The following PTPRM variants were observed in gnomAD, a reference collection of about 807,000 sequenced individuals.
The protein encoded by PTPRM is receptor-type tyrosine-protein phosphatase mu.
In PTPRM, 47 loss-of-function variants were observed where a neutral mutation model predicts 186.7. The observed-to-expected ratio is 0.25, with a 90% CI of 0.20 to 0.32. PTPRM has a LOEUF of 0.32. Ranked by LOEUF, PTPRM falls within the 10% of genes least tolerant of loss-of-function variation. The pLI is 1.00. For synonymous variants in PTPRM, 668 were observed against 674.9 expected (o/e 0.99, Z 0.16); for missense variants, 1,494 against 1,865.0 (o/e 0.80, Z 3.66).
chr18:8,301,595 G>A (rs2095158576), intron 20 of PTPRM, among the ~76,000 whole-genome samples: 1 of 152,228 alleles, frequency 6.6e-6, no homozygotes, highest in African/African-American at 2.4e-5. Flanking sequence ...CCATGTGCCA[G>A]GCACTGTGCC....
At chr18:7,681,762 T>C (rs548339093) in intron 1 of PTPRM, among the ~76,000 whole-genome samples, 1 of 152,284 alleles carries the variant, frequency 6.6e-6, no homozygotes, top group South Asian at 2.1e-4. Flanking sequence ...TCTAACATTA[T>C]TTTTTTCATT....
At position 8,015,840 on chromosome 18, in the gene PTPRM, C is replaced by T. The variant is rs542445397; in HGVS notation, c.1133-53846C>T. 2.0e-3 allele frequency among the ~76,000 whole-genome samples: 307 copies of T among 152,270 alleles called. 2 individuals are homozygous for T. The highest frequency in any genetic ancestry group is 7.1e-3 in the African/African-American group (293 of 41,540). On this transcript the variant is annotated intron_variant, in intron 7 of 32. Coordinates refer to ENST00000580170, the MANE Select transcript of PTPRM (RefSeq NM_001105244.2). ...CCCACACACACAAACCCCAACAACT[C>T]TTTAGGTGCCTACAGGTAGGAAAAA...
At chr18:7,746,610 C>A (rs536395818) in intron 1 of PTPRM, among the ~76,000 whole-genome samples, 1 of 152,112 alleles carries the variant, frequency 6.6e-6, no homozygotes, top group East Asian at 1.9e-4. Context: ...GGACTACAAG[C>A]GTGCAACACC....
intron 1 of PTPRM, among the ~76,000 whole-genome samples, chr18:7,578,104 G>A (rs2036737467): frequency 6.6e-6 from 1 of 151,996 alleles, no homozygotes; most frequent in Non-Finnish European, 1.5e-5. Context: ...GAGACCTTGG[G>A]TGTGTTATTT....
rs763119679 is a variant in PTPRM, at chr18:8,380,396, T to C, written c.3887T>C (p.Val1296Ala). Residue 1296 changes from valine to alanine, a missense_variant, in exon 29 of 33, where the codon GTA (valine) becomes GCA (alanine). Coordinates refer to ENST00000580170, the MANE Select transcript of PTPRM (RefSeq NM_001105244.2). ...RLVLDYHCTS[V>A]VMLNDVDPAQ... ...GTCCTGGATTATCACTGCACATCCG[T>C]AGTTATGCTAAATGATGTGGATCCT... The C allele has an allele frequency of 3.2e-5, 51 of 1,614,052 alleles. No individual in the cohort carries two copies. Among genetic ancestry groups the C allele is most frequent in the Non-Finnish European group, 4.3e-5 (51 of 1,180,030 alleles).
At chr18:8,270,499 G>A (rs1337904913) in intron 19 of PTPRM, 1 of 152,076 alleles carries the variant, frequency 6.6e-6, no homozygotes, top group African/African-American at 2.4e-5. Context: ...GGAAAACAGT[G>A]TGGAGATTCC....
intron 5 of PTPRM, 74 bp downstream of exon 5, chr18:7,926,757 G>A (rs1228430197): frequency 9.3e-7 from 1 of 1,079,526 alleles, no homozygotes; most frequent in Non-Finnish European, 1.3e-6. Flanking sequence ...GAGGAACCCA[G>A]AGAAACAGAC....
chr18:8,206,998 C>G (rs1389627900), intron 14 of PTPRM, among the ~76,000 whole-genome samples: 1 of 152,120 alleles, frequency 6.6e-6, no homozygotes, highest in African/African-American at 2.4e-5. Context: ...AAGGAAGGGT[C>G]CTTCCTCTAC....
chr18:8,042,503 C>T (rs2086756792), intron 7 of PTPRM, among the ~76,000 whole-genome samples: 1 of 152,148 alleles, frequency 6.6e-6, no homozygotes, highest in South Asian at 2.1e-4. Flanking sequence ...AAATAAACTG[C>T]ACTTTATTAC....
Position 8,283,997 on chromosome 18 carries a change from C to T in PTPRM, c.2755-12371C>T, listed in dbSNP as rs183375723. ...AAAAGAATTTTTTTGTCATCAAAATCGTTTGAGCCTGCATTTTTTTCTTAT... is the reference window on the plus strand; with the variant it reads ...AAAAGAATTTTTTTGTCATCAAAATTGTTTGAGCCTGCATTTTTTTCTTAT... On this transcript the variant is annotated intron_variant, in intron 19 of 32. Transcript: ENST00000580170. Among the ~76,000 whole-genome samples the T allele has an allele frequency of 1.3e-3, 196 of 152,204 alleles. 1 individual carries two copies. The highest frequency in any genetic ancestry group is 4.7e-3 in the African/African-American group (194 of 41,534).
At chr18:7,874,732 G>A (rs1170299955) in intron 2 of PTPRM, among the ~76,000 whole-genome samples, 3 of 152,212 alleles carry the variant, frequency 2.0e-5, no homozygotes, top group Non-Finnish European at 4.4e-5. Context: ...TAGAGATACA[G>A]TGATAGAAAT....
chr18:8,074,688 A>G (rs2089696105), intron 8 of PTPRM, among the ~76,000 whole-genome samples: 1 of 151,992 alleles, frequency 6.6e-6, no homozygotes, highest in Non-Finnish European at 1.5e-5. Context: ...CTTATTGACT[A>G]TTTGTTTGTC....
At chr18:8,402,370 CAG>C (rs996337168) in intron 32 of PTPRM, among the ~76,000 whole-genome samples, 4 of 152,188 alleles carry the variant, frequency 2.6e-5, no homozygotes, top group Non-Finnish European at 5.9e-5. Flanking sequence ...ATGCCTGAGA[CAG>C]GGCAGCTTCG....
chr18:7,973,853 C>G (rs1008752600), intron 7 of PTPRM, among the ~76,000 whole-genome samples: 19 of 151,982 alleles, frequency 1.3e-4, no homozygotes, highest in Non-Finnish European at 2.5e-4. Context: ...TTGTTTCTTC[C>G]TAATGGCTTC....
At chr18:7,608,957 G>T (rs2037604786) in intron 1 of PTPRM, among the ~76,000 whole-genome samples, 1 of 152,176 alleles carries the variant, frequency 6.6e-6, no homozygotes, top group African/African-American at 2.4e-5. Context: ...GTGCAGGCTA[G>T]TCCCTGTGCA....
At chr18:8,198,465 T>C (rs2093809854) in intron 14 of PTPRM, among the ~76,000 whole-genome samples, 1 of 152,128 alleles carries the variant, frequency 6.6e-6, no homozygotes, top group East Asian at 1.9e-4. Flanking sequence ...TTGCCGCTGA[T>C]TTTTAGAAAT....
At chr18:7,938,512 T>C in intron 5 of PTPRM, among the ~76,000 whole-genome samples, 1 of 152,188 alleles carries the variant, frequency 6.6e-6, no homozygotes, top group Non-Finnish European at 1.5e-5. Context: ...TGAAAAAATG[T>C]TCGTCAGTGT....
chr18:7,874,352 C>A (rs1340915065), intron 2 of PTPRM, among the ~76,000 whole-genome samples: 3 of 152,162 alleles, frequency 2.0e-5, no homozygotes, highest in South Asian at 4.2e-4. Context: ...CGAACTGGGT[C>A]TCTATGTAAA....
chr18:8,156,355 T>A (rs980458716), intron 14 of PTPRM, among the ~76,000 whole-genome samples: 2 of 152,208 alleles, frequency 1.3e-5, no homozygotes, highest in African/African-American at 4.8e-5. Flanking sequence ...CTTTAGAATC[T>A]GACGAACCTG....
Sources: allele counts gnomAD v4.1 joint callset (sites outside exome capture counted in the v4.1 genomes callset), GRCh38; gene constraint gnomAD v4.1.1; transcripts MANE v1.5; gene names NCBI Gene and HGNC (gene_info 2026-07-23, HGNC 2026-07-21).